FRMD7: variants seen among roughly 807,000 people sequenced by gnomAD.
FRMD7 encodes the protein FERM domain containing 7.
FRMD7 carries 14 observed loss-of-function variants against 44.1 expected under a neutral mutation model. The ratio of observed to expected loss-of-function variants is 0.32; its 90% CI spans 0.21 to 0.50. The LOEUF (loss-of-function observed/expected upper bound fraction) is 0.50. FRMD7 is among the 20% of genes least tolerant of loss of function. The pLI is 0.99. For synonymous variants in FRMD7, 212 were observed against 187.4 expected, an observed-to-expected ratio of 1.13 and a Z score of -1.07; for missense variants, 501 against 522.3, an observed-to-expected ratio of 0.96 and a Z score of 0.40.
At chrX:132,117,804 T>A (rs1403567322) in intron 1 of FRMD7, among the ~76,000 whole-genome samples, 3 of 112,074 alleles carry the variant, frequency 2.7e-5, no homozygotes, top group Non-Finnish European at 3.8e-5. Flanking sequence ...ATGTAAGTTG[T>A]TTTCTCCCTT....
At position 132,099,503 on chromosome X, in the gene FRMD7, A is replaced by G; in HGVS notation, c.170T>C (p.Leu57Pro). ...CTTTGTTATGGGCTTCAAAAGCTCC[A>G]GCCAAACCTGTAATAACATTAAGGA... ...FCSHSGNNVW[L>P]ELLKPITKQV... is the part of the protein sequence containing the mutation. The change falls in exon 3 of 12, where the codon CTG becomes CCG. Residue 57 changes from leucine (L) to proline (P), a missense_variant. Leu to Pro is a moderately conservative substitution (Grantham distance 98). Coordinates refer to ENST00000298542, the MANE Select transcript of FRMD7 (RefSeq NM_194277.3). The G allele has an allele frequency of 8.3e-7, 1 of 1,200,358 alleles. No homozygotes were observed. The highest frequency in any genetic ancestry group is 1.1e-6 in the Non-Finnish European group (1 of 887,568).
At chrX:132,083,208 A>G (rs920283836) in intron 8 of FRMD7, among the ~76,000 whole-genome samples, 2 of 111,718 alleles carry the variant, frequency 1.8e-5, no homozygotes, top group Admixed American at 1.9e-4. Flanking sequence ...CTTCCACCTC[A>G]ACCTCTTAAA....
rs762876232 is a variant in FRMD7 at position 132,080,286 on chromosome X, A to G, written c.906-20T>C. 8 of 1,095,850 alleles carry G rather than the reference A, an allele frequency of 7.3e-6. No individual in the cohort carries two copies. The Admixed American group carries it at 1.7e-4, about 24-fold the overall frequency. 90.3% of individuals were successfully genotyped at this position (1,095,850 alleles called of 1,213,427 possible). The stretch of plus-strand genomic sequence containing the variant: ...CGTCCACTATCATAAGGAACAATAA[A>G]AATCCTTAGTTCTAGCCATAAACCA... On this transcript the variant is annotated intron_variant, in intron 9 of 11. Coordinates refer to ENST00000298542, the MANE Select transcript of FRMD7 (RefSeq NM_194277.3).
At chrX:132,095,063 TTTA>T (rs1210070471) in intron 4 of FRMD7, among the ~76,000 whole-genome samples, 4 of 22,969 alleles carry the variant, frequency 1.7e-4, no homozygotes, top group Non-Finnish European at 2.8e-4. Context: ...CAATATTTTA[TTTA>T]TTTATTTATT....
At chrX:132,101,372 A>T (rs1217447613) in intron 1 of FRMD7, among the ~76,000 whole-genome samples, 1 of 111,884 alleles carries the variant, frequency 8.9e-6, no homozygotes, top group Non-Finnish European at 1.9e-5. Context: ...TACTCAGCTC[A>T]GATGTCATCT....
chrX:132,099,066 G>A (rs1283124012), intron 3 of FRMD7, among the ~76,000 whole-genome samples: 1 of 111,691 alleles, frequency 9.0e-6, no homozygotes, highest in Non-Finnish European at 1.9e-5. Context: ...ATACATATTA[G>A]GCACTTAAAT....
chrX:132,097,586 C>T (rs1928379815), intron 3 of FRMD7, among the ~76,000 whole-genome samples: 1 of 111,350 alleles, frequency 9.0e-6, no homozygotes, highest in Admixed American at 9.6e-5. Context: ...TCTTTCTACC[C>T]TCTCTGCCTT....
intron 1 of FRMD7, among the ~76,000 whole-genome samples, chrX:132,118,066 G>A (rs1225616626): frequency 2.7e-5 from 3 of 111,327 alleles, no homozygotes; most frequent in Admixed American, 9.6e-5. Context: ...AGGAATCGTG[G>A]CAGTGGTAGT....
Position 132,127,984 on chromosome X carries a change from T to A in FRMD7, c.-140A>T, listed in dbSNP as rs1296184362. 1.8e-6 allele frequency: 1 copy of A among 542,496 alleles called. No individual in the cohort carries two copies. 44.7% of individuals were successfully genotyped at this position (542,496 alleles called of 1,213,427 possible). A position where few individuals can be genotyped will look rare whatever the true frequency, so the allele number is the denominator to read the frequency against. ...ATTCCCACTGTCAGCGGGGCACACT[T>A]CCGTTTGCTTGAAGTAATGCACACC... is the stretch of plus-strand genomic sequence containing the variant. On this transcript the variant is annotated 5_prime_UTR_variant, in exon 1 of 12. Coordinates refer to ENST00000298542, the MANE Select transcript of FRMD7 (RefSeq NM_194277.3).
At chrX:132,112,496 G>C (rs746862149) in intron 1 of FRMD7, among the ~76,000 whole-genome samples, 1 of 111,850 alleles carries the variant, frequency 8.9e-6, no homozygotes, top group East Asian at 2.8e-4. Context: ...CCTGGTGGGG[G>C]TAAGCAGAGA....
intron 9 of FRMD7, 105 bp downstream of exon 9, chrX:132,082,258 G>A (rs1352857016): frequency 1.5e-6 from 1 of 688,162 alleles, no homozygotes; most frequent in Non-Finnish European, 2.4e-6. Flanking sequence ...TGATGTGATT[G>A]AAATGGATTC....
At chrX:132,083,362 A>G (rs1209618139) in intron 8 of FRMD7, among the ~76,000 whole-genome samples, 1 of 111,310 alleles carries the variant, frequency 9.0e-6, no homozygotes, top group Admixed American at 9.6e-5. Context: ...GGCTTTCCAG[A>G]CCTAAAGTTC....
At position 132,085,976 on chromosome X, in the gene FRMD7, G is replaced by A. The variant is rs757051911; in HGVS notation, c.441C>T (p.Tyr147=). 1 of 1,207,573 alleles carries A rather than the reference G, an allele frequency of 8.3e-7. No individual in the cohort carries two copies. The highest frequency in any genetic ancestry group is 3.0e-5 in the East Asian group (1 of 33,837). ...CCTCTAAACAGTCTTGGTTTGGTAA[G>A]TACCGAGTTTGTGCCAGATGCTTCC... The part of the protein sequence containing the change: ...TDRKHLAQTR[Y]LPNQDCLEGK... Residue 147 remains tyrosine, a synonymous_variant, in exon 6 of 12, where the codon TAC becomes TAT. Transcript: ENST00000298542.
At chrX:132,107,110 GTTTCA>G (rs1467086923) in intron 1 of FRMD7, among the ~76,000 whole-genome samples, 1 of 111,899 alleles carries the variant, frequency 8.9e-6, no homozygotes, top group Non-Finnish European at 1.9e-5. Context: ...TACAATTAAG[GTTTCA>G]GGAAAAGATA....
chrX:132,104,173 A>C (rs1357838574), intron 1 of FRMD7, among the ~76,000 whole-genome samples: 1 of 112,527 alleles, frequency 8.9e-6, no homozygotes, highest in Non-Finnish European at 1.9e-5. Context: ...TATGCACTTC[A>C]GCAATGCACA....
chrX:132,119,010 G>A (rs1251931203), intron 1 of FRMD7, among the ~76,000 whole-genome samples: 1 of 111,308 alleles, frequency 9.0e-6, no homozygotes, highest in Non-Finnish European at 1.9e-5. Context: ...CTTTTGCTGT[G>A]CTAGAAAAAA....
intron 1 of FRMD7, among the ~76,000 whole-genome samples, chrX:132,127,441 T>C (rs1372786142): frequency 8.9e-6 from 1 of 111,986 alleles, no homozygotes; most frequent in Non-Finnish European, 1.9e-5. Flanking sequence ...TCCCCACAAA[T>C]GCTCATGGGG....
chrX:132,115,151 A>G (rs1928870532), intron 1 of FRMD7, among the ~76,000 whole-genome samples: 1 of 112,356 alleles, frequency 8.9e-6, no homozygotes, highest in Admixed American at 9.4e-5. Context: ...AGCCTACACC[A>G]GCCTGTAGTC....
In FRMD7 at chrX:132,083,059, T is replaced by A. The variant is rs1161337723; in HGVS notation, c.742-533A>T. Among the ~76,000 whole-genome samples, 5 of 111,920 alleles carry A rather than the reference T, an allele frequency of 4.5e-5. No homozygotes were observed. In the Admixed American group the frequency reaches 4.7e-4, roughly 11 times the overall value. Reference sequence around the variant, plus strand: ...TCAAACTCCTGGGCTCAAGCAGTCTTCCTGACTCAGCCTCCTGAATAGCTA... The same window carrying A: ...TCAAACTCCTGGGCTCAAGCAGTCTACCTGACTCAGCCTCCTGAATAGCTA... On this transcript the variant is annotated intron_variant, in intron 8 of 11. Transcript: ENST00000298542.
Sources: gnomAD v4.1 joint callset for allele counts (sites outside exome capture counted in the v4.1 genomes callset) on GRCh38, gnomAD v4.1.1 for gene constraint, MANE v1.5 for transcripts, NCBI Gene and HGNC (gene_info 2026-07-23, HGNC 2026-07-21) for gene names.